The following BMP2K variants were observed in gnomAD, a reference collection of about 807,000 sequenced individuals.
BMP2K encodes BMP-2-inducible protein kinase.
In BMP2K, 74 loss-of-function variants were observed where a neutral mutation model predicts 116.0. The observed-to-expected ratio is 0.64, with a 90% CI of 0.53 to 0.77. The LOEUF is 0.77. Among genes scored for constraint, BMP2K ranks in the 30% least tolerant of loss-of-function variants. The probability of loss-of-function intolerance (pLI) is 0.00; values close to 1 mark genes in which losing one functional copy is unlikely to be tolerated. For synonymous variants in BMP2K, 486 were observed against 502.5 expected (o/e 0.97, Z 0.44); for missense variants, 1,365 against 1,403.6 (o/e 0.97, Z 0.44).
rs1732377916 is a variant in BMP2K, at chr4:78,871,921, A to G, written c.1581A>G (p.Gln527=). The G allele has an allele frequency of 6.2e-7, 1 of 1,611,426 alleles. No homozygotes were observed. Among genetic ancestry groups the G allele is most frequent in the Non-Finnish European group, 8.5e-7 (1 of 1,178,486 alleles). The change falls in exon 12 of 16, where the codon CAA becomes CAG. Residue 527 remains glutamine (Q), a synonymous_variant. Transcript: ENST00000502613. The stretch of plus-strand genomic sequence containing the variant: ...TAATGCATTCGGTATATCAACCACA[A>G]CCTTCTGCATCACAGTATCCTACAA... ...QFLMHSVYQP[Q]PSASQYPTMM... is the part of the protein sequence containing the mutation.
intron 1 of BMP2K, among the ~76,000 whole-genome samples, chr4:78,799,259 C>T (rs551056811): frequency 2.7e-5 from 4 of 150,676 alleles, no homozygotes; most frequent in South Asian, 4.2e-4. Context: ...CTTGATTGTC[C>T]GTTTTTTTTT....
At chr4:78,880,237 G>A (rs938366602) in intron 14 of BMP2K, among the ~76,000 whole-genome samples, 37 of 151,992 alleles carry the variant, frequency 2.4e-4, no homozygotes, top group African/African-American at 8.0e-4. Context: ...CACGCCCAGC[G>A]AATTTTGTAT....
chr4:78,847,596 T>G (rs1731070857), intron 6 of BMP2K, among the ~76,000 whole-genome samples: 1 of 151,652 alleles, frequency 6.6e-6, no homozygotes, highest in African/African-American at 2.4e-5. Flanking sequence ...ATGGAAAAGC[T>G]GGACATAACT....
chr4:78,884,881 A>G (rs542933412), intron 14 of BMP2K, among the ~76,000 whole-genome samples: 1 of 152,068 alleles, frequency 6.6e-6, no homozygotes, highest in Non-Finnish European at 1.5e-5. Context: ...TTATTCTTCA[A>G]CCTTTTGCAG....
intron 5 of BMP2K, among the ~76,000 whole-genome samples, chr4:78,846,248 T>C (rs1443300337): frequency 2.0e-5 from 3 of 151,582 alleles, no homozygotes; most frequent in African/African-American, 7.3e-5. Flanking sequence ...AGTTGACAAG[T>C]ATTTATTAAG....
intron 10 of BMP2K, 170 bp downstream of exon 10, chr4:78,865,890 A>G (rs1465039192): frequency 1.0e-5 from 7 of 671,636 alleles, no homozygotes; most frequent in African/African-American, 1.8e-5. Context: ...CAACAATTCA[A>G]TTGTTGTAGG....
At chr4:78,816,903 G>A (rs986644404) in intron 1 of BMP2K, among the ~76,000 whole-genome samples, 1 of 152,160 alleles carries the variant, frequency 6.6e-6, no homozygotes, top group African/African-American at 2.4e-5. Flanking sequence ...TCAGCTTATG[G>A]TCTGGACAGG....
chr4:78,896,969 G>A (rs1406881171), intron 15 of BMP2K, among the ~76,000 whole-genome samples: 1 of 152,018 alleles, frequency 6.6e-6, no homozygotes, highest in East Asian at 1.9e-4. Flanking sequence ...TTCAAAAAAT[G>A]CTCATTTACT....
chr4:78,910,948 A>C lies in BMP2K; in HGVS notation c.2401A>C (p.Ser801Arg), dbSNP rs775764016. The C allele has an allele frequency of 1.2e-5, 19 of 1,613,786 alleles. No individual in the cohort carries two copies. In the South Asian group the frequency reaches 2.1e-4, roughly 18 times the overall value. ...SEDEEEEEKH[S>R]SDSDYEQAKA... ...AGATGAGGAAGAAGAGGAGAAACATAGCTCTGATTCTGATTATGAGCAGGC... is the reference window on the plus strand; with the variant it reads ...AGATGAGGAAGAAGAGGAGAAACATCGCTCTGATTCTGATTATGAGCAGGC... The change falls in exon 16 of 16, where the codon AGC becomes CGC. Residue 801 changes from serine (S) to arginine (R), a missense_variant. Physicochemically the swap from Ser to Arg is moderately radical, Grantham distance 110. Coordinates refer to ENST00000502613, the MANE Select transcript of BMP2K (RefSeq NM_198892.2).
rs76554186 is a variant in BMP2K, at chr4:78,866,518, T to A, written c.1231+798T>A. 2.3e-3 allele frequency among the ~76,000 whole-genome samples: 349 copies of A among 152,284 alleles called. 5 individuals carry two copies. The highest frequency in any genetic ancestry group is 7.9e-3 in the African/African-American group (329 of 41,544). ...AGTACTAGTACCTATCTTAATAGGA[T>A]TATTGGGAGGATTAAATGGCTGTTT... On this transcript the variant is annotated intron_variant, in intron 10 of 15. Transcript: ENST00000502613.
chr4:78,809,272 C>T (rs936005951), intron 1 of BMP2K, among the ~76,000 whole-genome samples: 11 of 152,036 alleles, frequency 7.2e-5, no homozygotes, highest in Non-Finnish European at 1.5e-4. Flanking sequence ...AGTATAGCTA[C>T]TCTAGCCCTT....
chr4:78,832,889 T>G (rs1730279151), intron 2 of BMP2K, among the ~76,000 whole-genome samples: 1 of 152,064 alleles, frequency 6.6e-6, no homozygotes, highest in Non-Finnish European at 1.5e-5. Context: ...CTAGGTTTAT[T>G]GGTAATGATA....
chr4:78,882,264 C>T (rs921398069), intron 14 of BMP2K, among the ~76,000 whole-genome samples: 10 of 151,530 alleles, frequency 6.6e-5, no homozygotes, highest in Non-Finnish European at 1.5e-4. Flanking sequence ...AGTTGATTTC[C>T]TATACTAGGC....
chr4:78,857,843 T>A (rs557441374), intron 7 of BMP2K, among the ~76,000 whole-genome samples: 2 of 152,156 alleles, frequency 1.3e-5, no homozygotes, highest in East Asian at 3.9e-4. Context: ...AGATACACTG[T>A]GATTCATGTA....
chr4:78,850,225 G>A (rs1731181300), intron 6 of BMP2K, among the ~76,000 whole-genome samples: 2 of 151,726 alleles, frequency 1.3e-5, no homozygotes, highest in Admixed American at 1.3e-4. Flanking sequence ...TTTTATAGAT[G>A]CAATTGGTAT....
Position 78,802,519 on chromosome 4 carries a change from T to C in BMP2K, c.179-23518T>C, listed in dbSNP as rs978787424. ...TATACCTAAATAAGAAATTATTTTC[T>C]ACCTTGAAGTTATACATACAGTCTC... On this transcript the variant is annotated intron_variant, in intron 1 of 15. Coordinates refer to ENST00000502613, the MANE Select transcript of BMP2K (RefSeq NM_198892.2). Among the ~76,000 whole-genome samples, 64 of 152,238 alleles carry C rather than the reference T, an allele frequency of 4.2e-4. 1 individual carries two copies. The highest frequency in any genetic ancestry group is 6.5e-5 in the Admixed American group (1 of 15,274).
intron 2 of BMP2K, among the ~76,000 whole-genome samples, chr4:78,828,950 AAGTTTTTGAATTTTTGCAT>A (rs1273781756): frequency 6.6e-6 from 1 of 152,122 alleles, no homozygotes; most frequent in Non-Finnish European, 1.5e-5. Flanking sequence ...TGGAGGTTGC[AAGTTTTTGAATTTTTGCAT>A]AGTGAAAAAT....
At chr4:78,903,744 T>G (rs181363318) in intron 15 of BMP2K, among the ~76,000 whole-genome samples, 233 of 151,932 alleles carry the variant, frequency 1.5e-3, no homozygotes, top group Middle Eastern at 6.8e-3. Context: ...AACAAAAGAG[T>G]CTTCATCCTG....
At chr4:78,856,657 A>C (rs1401974410) in intron 7 of BMP2K, among the ~76,000 whole-genome samples, 1 of 152,096 alleles carries the variant, frequency 6.6e-6, no homozygotes, top group African/African-American at 2.4e-5. Context: ...GAGATGGTCC[A>C]CTGGAGCTCA....
Sources: gnomAD v4.1 joint callset for allele counts (sites outside exome capture counted in the v4.1 genomes callset) on GRCh38, gnomAD v4.1.1 for gene constraint, MANE v1.5 for transcripts, NCBI Gene and HGNC (gene_info 2026-07-23, HGNC 2026-07-21) for gene names.